The following DPP10 variants were observed in gnomAD, a reference collection of about 807,000 sequenced individuals.
DPP10 encodes dipeptidyl peptidase like 10, also known as inactive dipeptidyl peptidase 10.
A neutral mutation model predicts 120.9 loss-of-function variants in DPP10; 33 were observed. The ratio of observed to expected loss-of-function variants is 0.27; its 90% CI spans 0.21 to 0.37. DPP10 has a LOEUF of 0.37. Ranked by LOEUF, DPP10 falls within the 10% of genes least tolerant of loss-of-function variation. The probability of loss-of-function intolerance (pLI) is 1.00; values close to 1 mark genes in which losing one functional copy is unlikely to be tolerated. For missense variants in DPP10, 816 were observed against 942.8 expected, an observed-to-expected ratio of 0.87 and a Z score of 1.76; for synonymous variants, 337 against 326.1, an observed-to-expected ratio of 1.03 and a Z score of -0.36.
chr2:115,005,450 A>G (rs1365822482), intron 1 of DPP10, among the ~76,000 whole-genome samples: 1 of 151,718 alleles, frequency 6.6e-6, no homozygotes, highest in East Asian at 1.9e-4. Flanking sequence ...ACCAAAGGCA[A>G]AGAAGTTGAA....
intron 1 of DPP10, among the ~76,000 whole-genome samples, chr2:114,762,385 T>A (rs750146069): frequency 1.3e-5 from 2 of 152,112 alleles, no homozygotes; most frequent in African/African-American, 4.8e-5. Context: ...TATAAACAAC[T>A]AAGAAGCTGA....
At chr2:114,823,945 G>C (rs770651657) in intron 1 of DPP10, among the ~76,000 whole-genome samples, 18 of 152,318 alleles carry the variant, frequency 1.2e-4, no homozygotes, top group Admixed American at 2.0e-4. Context: ...GATGGAAAGG[G>C]ACTGGGAGGA....
At chr2:115,334,419 G>T (rs1574466000) in intron 2 of DPP10, among the ~76,000 whole-genome samples, 1 of 151,314 alleles carries the variant, frequency 6.6e-6, no homozygotes, top group South Asian at 2.1e-4. Context: ...TTGAATGGAT[G>T]AATTAGGCTT....
At chr2:115,535,656 A>C (rs4389339) in intron 5 of DPP10, among the ~76,000 whole-genome samples, 76,906 of 148,910 alleles carry the variant, frequency 0.52, 23,030 homozygotes, top group Non-Finnish European at 0.69. Context: ...GAAGAAAGGC[A>C]TTGGTAGCTT....
chr2:115,243,724 A>G (rs556755191), intron 1 of DPP10, among the ~76,000 whole-genome samples: 110 of 152,052 alleles, frequency 7.2e-4, no homozygotes, highest in Middle Eastern at 3.4e-3. Flanking sequence ...CCATTAGCTC[A>G]AGATGTTGAC....
At chr2:115,302,466 A>AAGT (rs1262849449) in intron 1 of DPP10, among the ~76,000 whole-genome samples, 4 of 152,024 alleles carry the variant, frequency 2.6e-5, no homozygotes, top group African/African-American at 9.7e-5. Context: ...TATAGAAAAA[A>AAGT]AGTAGCCAGG....
chr2:115,244,844 T>C (rs6731292), intron 1 of DPP10, among the ~76,000 whole-genome samples: 1 of 141,730 alleles, frequency 7.1e-6, no homozygotes, highest in Non-Finnish European at 1.5e-5. Flanking sequence ...CATATATATA[T>C]ACATATATAT....
At chr2:114,476,197 C>A (rs1159632831) in intron 1 of DPP10, among the ~76,000 whole-genome samples, 1 of 152,140 alleles carries the variant, frequency 6.6e-6, no homozygotes, top group Non-Finnish European at 1.5e-5. Flanking sequence ...CTTTCATTTT[C>A]TAATGTGTAT....
At chr2:114,801,153 C>T (rs1015995178) in intron 1 of DPP10, among the ~76,000 whole-genome samples, 3 of 151,224 alleles carry the variant, frequency 2.0e-5, no homozygotes, top group African/African-American at 7.3e-5. Flanking sequence ...GTCCCAGCTA[C>T]TCGGGAGGCT....
intron 1 of DPP10, among the ~76,000 whole-genome samples, chr2:115,125,919 T>G (rs1347982716): frequency 1.3e-5 from 2 of 152,158 alleles, no homozygotes; most frequent in African/African-American, 4.8e-5. Flanking sequence ...AATTAGATTT[T>G]TACCAAGCCA....
At chr2:115,759,486 G>C (rs1366247111) in intron 11 of DPP10, among the ~76,000 whole-genome samples, 1 of 151,498 alleles carries the variant, frequency 6.6e-6, no homozygotes, top group Non-Finnish European at 1.5e-5. Context: ...TAATTAGAAT[G>C]ACTACACTAA....
At chr2:115,287,438 C>T (rs2060448813) in intron 1 of DPP10, among the ~76,000 whole-genome samples, 1 of 152,002 alleles carries the variant, frequency 6.6e-6, no homozygotes, top group African/African-American at 2.4e-5. Flanking sequence ...CATCCCTCAC[C>T]TCCCTCCTGA....
intron 1 of DPP10, among the ~76,000 whole-genome samples, chr2:114,530,107 C>T (rs1180601123): frequency 6.6e-6 from 1 of 152,078 alleles, no homozygotes; most frequent in Admixed American, 6.6e-5. Flanking sequence ...ATTTCTGCCA[C>T]AGGAGTTTGA....
chr2:114,648,014 A>G (rs1696269111), intron 1 of DPP10, among the ~76,000 whole-genome samples: 1 of 152,182 alleles, frequency 6.6e-6, no homozygotes, highest in African/African-American at 2.4e-5. Flanking sequence ...GAGGCAGTAT[A>G]ACCATGAAAT....
intron 3 of DPP10, among the ~76,000 whole-genome samples, chr2:115,460,262 T>A (rs2073911790): frequency 6.6e-6 from 1 of 152,100 alleles, no homozygotes; most frequent in Non-Finnish European, 1.5e-5. Flanking sequence ...GCTTACATTT[T>A]TCATAACGAC....
chr2:114,631,736 C>T (rs1466047174), intron 1 of DPP10, among the ~76,000 whole-genome samples: 3 of 152,140 alleles, frequency 2.0e-5, no homozygotes, highest in Non-Finnish European at 2.9e-5. Context: ...GGGACAATTG[C>T]TTTCAGGACC....
intron 4 of DPP10, among the ~76,000 whole-genome samples, chr2:115,510,911 T>A (rs1161103425): frequency 1.3e-5 from 2 of 152,154 alleles, no homozygotes; most frequent in Non-Finnish European, 1.5e-5. Flanking sequence ...ATAAATAGAA[T>A]TGTTTACTCC....
chr2:115,642,182 A>G (rs72947986), intron 5 of DPP10, among the ~76,000 whole-genome samples: 2,684 of 152,278 alleles, frequency 0.018, 88 homozygotes, highest in African/African-American at 0.061. Context: ...TGCCTCATAC[A>G]TACAATATAA....
rs1160533455 is a variant in DPP10 at position 115,343,913 on chromosome 2, G to GT, written c.271+2dup. ...GATCCAGAGGCTCGGTGGATCAATG[G>GT]TAAGTGTATACCTTTTTAAACATTG... On this transcript the variant is annotated splice_donor_variant, in intron 3 of 25. Transcript: ENST00000410059. LOFTEE classifies it high-confidence loss of function. 1 of 1,606,074 alleles carries GT rather than the reference G, an allele frequency of 6.2e-7. No homozygotes were observed. Among genetic ancestry groups the GT allele is most frequent in the African/African-American group, 1.3e-5 (1 of 74,470 alleles).
Sources: allele counts gnomAD v4.1 joint callset (sites outside exome capture counted in the v4.1 genomes callset), GRCh38; gene constraint gnomAD v4.1.1; transcripts MANE v1.5; gene names NCBI Gene and HGNC (gene_info 2026-07-23, HGNC 2026-07-21).